Variants in ADAM32 observed in about 807,000 individuals in gnomAD.
ADAM32 encodes disintegrin and metalloproteinase domain-containing protein 32.
A neutral mutation model predicts 114.9 loss-of-function variants in ADAM32; 89 were observed. The ratio of observed to expected loss-of-function variants is 0.77; its 90% confidence interval spans 0.65 to 0.92. ADAM32 has a LOEUF of 0.92. Among genes scored for constraint, ADAM32 ranks in the 40% least tolerant of loss-of-function variants. The pLI is 0.00. For missense variants in ADAM32, 870 were observed against 932.8 expected, an observed-to-expected ratio of 0.93 and a Z score of 0.88; for synonymous variants, 285 against 307.5, an observed-to-expected ratio of 0.93 and a Z score of 0.77.
chr8:39,154,033 CAT>C (rs59934573), intron 6 of ADAM32, among the ~76,000 whole-genome samples: 2 of 139,452 alleles, frequency 1.4e-5, no homozygotes, highest in African/African-American at 5.2e-5. Flanking sequence ...GAAAGTTCCT[CAT>C]ATATATATAT....
At chr8:39,213,561 C>T (rs992204866) in intron 12 of ADAM32, among the ~76,000 whole-genome samples, 1 of 151,926 alleles carries the variant, frequency 6.6e-6, no homozygotes, top group African/African-American at 2.4e-5. Context: ...ATACATCTAC[C>T]ATATATTTAT....
intron 11 of ADAM32, among the ~76,000 whole-genome samples, chr8:39,201,815 T>G (rs1027000478): frequency 1.3e-5 from 2 of 152,216 alleles, no homozygotes; most frequent in South Asian, 4.1e-4. Flanking sequence ...AATACTTAAT[T>G]TATTGAGAGT....
intron 19 of ADAM32, among the ~76,000 whole-genome samples, chr8:39,263,475 G>A (rs1812168251): frequency 6.6e-6 from 1 of 152,110 alleles, no homozygotes; most frequent in Non-Finnish European, 1.5e-5. Flanking sequence ...CTCCATGGTT[G>A]TGGTGGTGGT....
At chr8:39,207,662 G>GT (rs1248586471) in intron 11 of ADAM32, among the ~76,000 whole-genome samples, 4 of 152,148 alleles carry the variant, frequency 2.6e-5, no homozygotes, top group Admixed American at 6.5e-5. Context: ...TATTCTTCCT[G>GT]TTTAACTAAC....
chr8:39,187,175 A>T (rs1006873056), intron 11 of ADAM32, 130 bp downstream of exon 11: 1 of 766,876 alleles, frequency 1.3e-6, no homozygotes, highest in Non-Finnish European at 2.0e-6. Flanking sequence ...TAAACATGTA[A>T]TTTTAAATGT....
At chr8:39,193,326 A>T (rs1806726185) in intron 11 of ADAM32, among the ~76,000 whole-genome samples, 1 of 152,080 alleles carries the variant, frequency 6.6e-6, no homozygotes, top group African/African-American at 2.4e-5. Flanking sequence ...TGAAATTTTT[A>T]TACTGTGTTT....
intron 2 of ADAM32, chr8:39,129,979 A>G (rs995254693): frequency 3.5e-5 from 12 of 343,444 alleles, no homozygotes; most frequent in African/African-American, 2.0e-4. Flanking sequence ...TTTCAAGACA[A>G]TGTCTCACTC....
At chr8:39,193,941 T>A (rs1320295090) in intron 11 of ADAM32, among the ~76,000 whole-genome samples, 3 of 152,176 alleles carry the variant, frequency 2.0e-5, no homozygotes, top group African/African-American at 7.2e-5. Context: ...AAGTGCTTCC[T>A]AGGGCAGTGG....
chr8:39,187,863 A>G (rs1806350763), intron 11 of ADAM32, among the ~76,000 whole-genome samples: 1 of 152,182 alleles, frequency 6.6e-6, no homozygotes. Flanking sequence ...TGAAATAGGA[A>G]AGGGTTTTCT....
intron 2 of ADAM32, among the ~76,000 whole-genome samples, chr8:39,126,733 C>T (rs1165310211): frequency 6.6e-6 from 1 of 152,144 alleles, no homozygotes; most frequent in African/African-American, 2.4e-5. Context: ...GACAGTGCAT[C>T]CTTGTCTTGT....
chr8:39,178,521 T>C (rs1481592965), intron 10 of ADAM32, among the ~76,000 whole-genome samples: 1 of 152,266 alleles, frequency 6.6e-6, no homozygotes, highest in East Asian at 1.9e-4. Context: ...TTCTGTCATT[T>C]CAGCCATCTC....
intron 6 of ADAM32, among the ~76,000 whole-genome samples, chr8:39,160,602 AG>A (rs1804447546): frequency 6.7e-6 from 1 of 149,310 alleles, no homozygotes; most frequent in South Asian, 2.1e-4. Flanking sequence ...TTAAAGCAAA[AG>A]TTTATTTCTG....
At chr8:39,151,675 C>CA in intron 6 of ADAM32, 127 bp downstream of exon 6, 5 of 435,466 alleles carry the variant, frequency 1.1e-5, no homozygotes, top group Non-Finnish European at 1.8e-5. Flanking sequence ...AACATCTTAT[C>CA]TTTTTTTTTT....
intron 24 of ADAM32, among the ~76,000 whole-genome samples, chr8:39,284,378 T>TGTACAC (rs1813644798): frequency 7.0e-6 from 1 of 142,034 alleles, no homozygotes; most frequent in African/African-American, 2.6e-5. Context: ...CACACACACG[T>TGTACAC]ACACACACAC....
At position 39,230,221 on chromosome 8, in the gene ADAM32, T is replaced by C. The variant is rs114165414; in HGVS notation, c.1526-1806T>C. 5.0e-3 allele frequency among the ~76,000 whole-genome samples: 755 copies of C among 152,246 alleles called. 6 individuals carry two copies. Among genetic ancestry groups the C allele is most frequent in the African/African-American group, 0.017 (720 of 41,542 alleles). On this transcript the variant is annotated intron_variant, in intron 14 of 24. Transcript: ENST00000379907. ...TACTAAACTTAGTCAATATACTGGA[T>C]TATAGGGAATATTTAACATATGACT...
At chr8:39,118,523 C>T (rs1311778753) in intron 2 of ADAM32, among the ~76,000 whole-genome samples, 1 of 152,120 alleles carries the variant, frequency 6.6e-6, no homozygotes, top group Non-Finnish European at 1.5e-5. Context: ...ATCTCCACCC[C>T]TACACCTAGC....
intron 10 of ADAM32, among the ~76,000 whole-genome samples, chr8:39,174,440 A>G (rs1171996930): frequency 1.3e-5 from 2 of 148,952 alleles, no homozygotes; most frequent in Non-Finnish European, 3.0e-5. Context: ...GGTTGTGGCT[A>G]TTTGAACTCT....
At chr8:39,134,378 G>T (rs1343356938) in intron 2 of ADAM32, among the ~76,000 whole-genome samples, 2 of 152,020 alleles carry the variant, frequency 1.3e-5, no homozygotes, top group Admixed American at 1.3e-4. Context: ...GAGCATTCGT[G>T]GTGGGACCCT....
In ADAM32 at chr8:39,249,782, CATTT is replaced by C. The variant is rs1286776256; in HGVS notation, c.1902+3621_1902+3624del. On this transcript the variant is annotated intron_variant, in intron 17 of 24. Transcript: ENST00000379907. Reference sequence around the variant, plus strand: ...ATTCTCTCTGAAGAATCTCTTCTGACATTTATTTCAAAGGCATGTCTACTGGTGA... The same window carrying C: ...ATTCTCTCTGAAGAATCTCTTCTGACATTTCAAAGGCATGTCTACTGGTGA... 1.6e-4 allele frequency among the ~76,000 whole-genome samples: 25 copies of C among 152,242 alleles called. No homozygotes were observed. In the East Asian group the frequency reaches 3.3e-3, roughly 20 times the overall value.
Sources: allele counts gnomAD v4.1 joint callset (sites outside exome capture counted in the v4.1 genomes callset), GRCh38; gene constraint gnomAD v4.1.1; transcripts MANE v1.5; gene names NCBI Gene and HGNC (gene_info 2026-07-23, HGNC 2026-07-21).